The following PHLPP1 variants were observed in gnomAD, a reference collection of about 807,000 sequenced individuals.
PHLPP1 encodes the protein PH domain leucine-rich repeat-containing protein phosphatase 1.
A neutral mutation model predicts 117.2 loss-of-function variants in PHLPP1; 42 were observed. The ratio of observed to expected loss-of-function variants is 0.36; its 90% CI spans 0.28 to 0.46. The LOEUF is 0.46. Among genes scored for constraint, PHLPP1 ranks in the 20% least tolerant of loss-of-function variants. The pLI is 1.00. For missense variants in PHLPP1, 2,084 were observed against 2,241.9 expected (o/e 0.93, Z 1.42); for synonymous variants, 1,042 against 970.7 (o/e 1.07, Z -1.37).
Position 62,831,870 on chromosome 18 carries a change from T to C in PHLPP1, c.1773+1639T>C, listed in dbSNP as rs528375685. Among the ~76,000 whole-genome samples the C allele has an allele frequency of 3.7e-4, 57 of 152,334 alleles. 1 individual carries two copies. The highest frequency in any genetic ancestry group is 1.1e-3 in the African/African-American group (46 of 41,586). On this transcript the variant is annotated intron_variant, in intron 2 of 16. Coordinates refer to ENST00000262719, the MANE Select transcript of PHLPP1 (RefSeq NM_194449.4). Reference sequence around the variant, plus strand: ...GATCATTTTCAAAAATAGGTTTTGGTCAGGCTGTGCAAGATGCGTTTAGAT... The same window carrying C: ...GATCATTTTCAAAAATAGGTTTTGGCCAGGCTGTGCAAGATGCGTTTAGAT...
intron 12 of PHLPP1, among the ~76,000 whole-genome samples, chr18:62,953,362 G>C (rs1372464394): frequency 6.6e-6 from 1 of 152,056 alleles, no homozygotes; most frequent in South Asian, 2.1e-4. Context: ...CCACACAAAC[G>C]TTATTCTTGT....
Position 62,715,985 on chromosome 18 carries a change from C to T in PHLPP1, c.302C>T (p.Pro101Leu). The change falls in exon 1 of 17, where the codon CCC (proline) becomes CTC (leucine). Residue 101 changes from proline to leucine, a missense_variant. Pro to Leu is a moderately conservative substitution (Grantham distance 98). Transcript: ENST00000262719. ...GRRRRRGAPQ[P>L]IAGGAAPVPG... ...AGGAGGCGGCGCGGGGCGCCCCAGCCCATTGCCGGCGGGGCTGCCCCCGTA... is the reference window on the plus strand; with the variant it reads ...AGGAGGCGGCGCGGGGCGCCCCAGCTCATTGCCGGCGGGGCTGCCCCCGTA... 4 of 1,336,258 alleles carry T rather than the reference C, an allele frequency of 3.0e-6. No homozygotes were observed. Among genetic ancestry groups the T allele is most frequent in the Non-Finnish European group, 3.8e-6 (4 of 1,049,538 alleles). 82.8% of individuals were successfully genotyped at this position (1,336,258 alleles called of 1,614,324 possible). A position where few individuals can be genotyped will look rare whatever the true frequency, so the allele number is the denominator to read the frequency against.
At position 62,896,266 on chromosome 18, in the gene PHLPP1, TGTTG is replaced by T. The variant is rs1271568206; in HGVS notation, c.2444+259_2444+262del. Among the ~76,000 whole-genome samples the T allele has an allele frequency of 4.6e-5, 7 of 151,184 alleles. No individual in the cohort carries two copies. The East Asian group carries it at 1.4e-3, about 29-fold the overall frequency. ...TGAGAGAGCTGTTTTTTGTTGTTGT[TGTTG>T]GTTTTTGTTTTTTTTGTTGTTCTTG... On this transcript the variant is annotated intron_variant, in intron 6 of 16. Coordinates refer to ENST00000262719, the MANE Select transcript of PHLPP1 (RefSeq NM_194449.4).
rs561199194 is a variant in PHLPP1 at position 62,839,076 on chromosome 18, T to C, written c.1899+167T>C. 97 of 652,138 alleles carry C rather than the reference T, an allele frequency of 1.5e-4. 1 individual carries two copies. In the South Asian group the frequency reaches 2.1e-3, roughly 14 times the overall value. 40.4% of individuals were successfully genotyped at this position (652,138 alleles called of 1,614,324 possible). On this transcript the variant is annotated intron_variant, in intron 3 of 16. Transcript: ENST00000262719. Reference sequence around the variant, plus strand: ...TAGTTTTTTAAAAACTAATTTTGCCTGAAAAGTGGCTTTTTAAAAATTGTT... The same window carrying C: ...TAGTTTTTTAAAAACTAATTTTGCCCGAAAAGTGGCTTTTTAAAAATTGTT...
At chr18:62,881,111 G>T (rs1462011036) in intron 4 of PHLPP1, among the ~76,000 whole-genome samples, 1 of 152,056 alleles carries the variant, frequency 6.6e-6, no homozygotes, top group Non-Finnish European at 1.5e-5. Flanking sequence ...TCTCTTTAGG[G>T]CTGGTTGTAG....
At chr18:62,771,382 T>C (rs1912771161) in intron 1 of PHLPP1, among the ~76,000 whole-genome samples, 1 of 152,186 alleles carries the variant, frequency 6.6e-6, no homozygotes, top group Non-Finnish European at 1.5e-5. Context: ...GTGAGAAATA[T>C]GACATACCAT....
At chr18:62,798,638 C>T (rs114225317) in intron 1 of PHLPP1, among the ~76,000 whole-genome samples, 1 of 152,140 alleles carries the variant, frequency 6.6e-6, no homozygotes, top group Non-Finnish European at 1.5e-5. Flanking sequence ...TTTGACAACT[C>T]TAGCAAAACT....
rs1911320567 is a variant in PHLPP1, at chr18:62,979,705, A to C, written c.*274A>C. On this transcript the variant is annotated 3_prime_UTR_variant, in exon 17 of 17. Coordinates refer to ENST00000262719, the MANE Select transcript of PHLPP1 (RefSeq NM_194449.4). ...TGTAAAGACAAAGAACAAAAGGTTT[A>C]ATATATTACAGAGAAACAGTTAATG... 2.3e-6 allele frequency: 1 copy of C among 435,560 alleles called. No homozygotes were observed. The highest frequency in any genetic ancestry group is 4.1e-6 in the Non-Finnish European group (1 of 244,982). The allele number at this position is 435,560 out of a possible 1,614,324, so 27.0% of individuals were successfully genotyped here.
chr18:62,849,605 G>A (rs1347083768), intron 3 of PHLPP1, among the ~76,000 whole-genome samples: 6 of 140,542 alleles, frequency 4.3e-5, no homozygotes, highest in South Asian at 2.2e-4. Flanking sequence ...AGCCAAGATC[G>A]CACCATTGCA....
At chr18:62,903,780 A>C (rs901105295) in intron 7 of PHLPP1, among the ~76,000 whole-genome samples, 2 of 151,998 alleles carry the variant, frequency 1.3e-5, no homozygotes, top group Non-Finnish European at 2.9e-5. Context: ...AAAAAAAAAA[A>C]AAAGACAAGA....
chr18:62,821,548 C>CAAAAAAAAAAAAAAAAAAAAAAAA (rs1568127680), intron 1 of PHLPP1, among the ~76,000 whole-genome samples: 3 of 29,314 alleles, frequency 1.0e-4, no homozygotes, highest in Admixed American at 5.2e-4. Context: ...GACCCTTTAT[C>CAAAAAAAAAAAAAAAAAAAAAAAA]CAAAAAAAAA....
chr18:62,881,880 G>A (rs930364006), intron 4 of PHLPP1, among the ~76,000 whole-genome samples: 2 of 152,200 alleles, frequency 1.3e-5, no homozygotes, highest in South Asian at 4.1e-4. Flanking sequence ...CAGTGTGAAA[G>A]CCAAAAGGAG....
chr18:62,842,218 G>A (rs763557023), intron 3 of PHLPP1, among the ~76,000 whole-genome samples: 1 of 152,074 alleles, frequency 6.6e-6, no homozygotes, highest in Non-Finnish European at 1.5e-5. Flanking sequence ...ATAAAGACAC[G>A]GGTCTTAGTT....
intron 1 of PHLPP1, among the ~76,000 whole-genome samples, chr18:62,789,505 A>G (rs142539372): frequency 7.9e-5 from 12 of 152,222 alleles, no homozygotes; most frequent in Non-Finnish European, 1.5e-4. Context: ...TTTTAAAAAT[A>G]TTGTTTGCAG....
chr18:62,788,764 G>A (rs1365055203), intron 1 of PHLPP1, among the ~76,000 whole-genome samples: 1 of 151,988 alleles, frequency 6.6e-6, no homozygotes, highest in Admixed American at 6.6e-5. Context: ...AGAGTATTTT[G>A]AATTCCAGAT....
intron 1 of PHLPP1, among the ~76,000 whole-genome samples, chr18:62,747,002 C>G (rs1235723079): frequency 6.6e-6 from 1 of 152,100 alleles, no homozygotes; most frequent in Admixed American, 6.5e-5. Flanking sequence ...TATTCCATGT[C>G]TGTTTTTCAG....
At chr18:62,828,017 TG>T (rs1412062600) in intron 1 of PHLPP1, among the ~76,000 whole-genome samples, 2 of 151,244 alleles carry the variant, frequency 1.3e-5, no homozygotes, top group Non-Finnish European at 3.0e-5. Context: ...TTTGTGTGTG[TG>T]TGTGTGTGTG....
rs537848010 is a variant in PHLPP1, at chr18:62,978,424, G to C, written c.4147G>C (p.Glu1383Gln). The change falls in exon 17 of 17, where the codon GAG becomes CAG. Residue 1383 changes from glutamate to glutamine, a missense_variant. By Grantham distance (29) the Glu-to-Gln change is conservative (BLOSUM62 2). Around this residue, in one of 2 missense-constraint regions of PHLPP1, gnomAD observed 1,365 missense variants for 1,605.9 expected, o/e 0.85. Coordinates refer to ENST00000262719, the MANE Select transcript of PHLPP1 (RefSeq NM_194449.4). This position sits in a 1 kb window ranked among gnomAD's most constrained non-coding sequence, Gnocchi z 7.0. ...SKGLWDSLSV[E>Q]EAVEAVRNVP... is the part of the protein sequence containing the mutation. ...GGGGTTGTGGGACAGCCTGTCCGTCGAGGAGGCCGTGGAAGCCGTGCGCAA... is the reference window on the plus strand; with the variant it reads ...GGGGTTGTGGGACAGCCTGTCCGTCCAGGAGGCCGTGGAAGCCGTGCGCAA... 19 of 1,612,010 alleles carry C rather than the reference G, an allele frequency of 1.2e-5. No homozygotes were observed. The highest frequency in any genetic ancestry group is 5.0e-5 in the Admixed American group (3 of 59,714).
At chr18:62,750,957 C>T (rs1010336104) in intron 1 of PHLPP1, among the ~76,000 whole-genome samples, 5 of 152,136 alleles carry the variant, frequency 3.3e-5, no homozygotes, top group Non-Finnish European at 5.9e-5. Flanking sequence ...TGTCTGTTCA[C>T]GTTAAATACT....
Sources: gnomAD v4.1 joint callset for allele counts (sites outside exome capture counted in the v4.1 genomes callset) on GRCh38, gnomAD v4.1.1 for gene constraint, gnomAD v4.1.1 regional missense constraint, Gnocchi (gnomAD v3.1) non-coding constraint, MANE v1.5 for transcripts, NCBI Gene and HGNC (gene_info 2026-07-23, HGNC 2026-07-21) for gene names.